Variants in LRRN2 observed in about 807,000 individuals in gnomAD.
LRRN2 encodes the protein leucine-rich repeat neuronal protein 2.
Under a neutral mutation model 35.7 loss-of-function variants are expected in LRRN2, and 10 were observed. The observed-to-expected ratio is 0.28, with a 90% confidence interval of 0.17 to 0.47. The LOEUF is 0.47. LRRN2 is among the 20% of genes least tolerant of loss of function. The pLI, the probability that LRRN2 is intolerant of heterozygous loss-of-function variation, is 0.99. For missense variants in LRRN2, 731 were observed against 940.3 expected (o/e 0.78, Z 2.91); for synonymous variants, 391 against 409.6 (o/e 0.95, Z 0.55).
intron 1 of LRRN2, among the ~76,000 whole-genome samples, chr1:204,632,831 G>T (rs540225212): frequency 6.6e-6 from 1 of 151,786 alleles, no homozygotes; most frequent in African/African-American, 2.4e-5. Flanking sequence ...CTACATGGGA[G>T]GCTGAGGCAG....
In LRRN2 at chr1:204,685,339, G is replaced by T. The variant is rs1266978255; in HGVS notation, c.-246C>A. 6.6e-6 allele frequency: 1 copy of T among 151,654 alleles called. No individual in the cohort carries two copies. Among genetic ancestry groups the T allele is most frequent in the Non-Finnish European group, 1.5e-5 (1 of 67,908 alleles). 9.4% of individuals were successfully genotyped at this position (151,654 alleles called of 1,614,324 possible). A position where few individuals can be genotyped will look rare whatever the true frequency, so the allele number is the denominator to read the frequency against. On this transcript the variant is annotated 5_prime_UTR_variant, in exon 1 of 2. Transcript: ENST00000367177. The stretch of plus-strand genomic sequence containing the variant: ...ACTCACCCCGTGGGCGCCGGGCACC[G>T]TCTGCCGTCTGCTGCCCGCGCGGCC...
At chr1:204,674,818 G>A (rs1321921466) in intron 1 of LRRN2, among the ~76,000 whole-genome samples, 1 of 152,220 alleles carries the variant, frequency 6.6e-6, no homozygotes, top group Non-Finnish European at 1.5e-5. Flanking sequence ...AGAAAGCTGA[G>A]GCCCAGGAAG....
At chr1:204,667,318 G>T (rs1482660014) in intron 1 of LRRN2, among the ~76,000 whole-genome samples, 1 of 152,144 alleles carries the variant, frequency 6.6e-6, no homozygotes, top group African/African-American at 2.4e-5. Flanking sequence ...TGGATGAAGG[G>T]TACTGTGGAC....
chr1:204,655,801 G>A (rs16854091), intron 1 of LRRN2, among the ~76,000 whole-genome samples: 15,507 of 152,268 alleles, frequency 0.1, 1,322 homozygotes, highest in African/African-American at 0.23. Context: ...CCTGGGGGCT[G>A]CCGACAGGAC....
intron 1 of LRRN2, among the ~76,000 whole-genome samples, chr1:204,654,926 C>G (rs1011099663): frequency 6.6e-6 from 1 of 152,248 alleles, no homozygotes; most frequent in African/African-American, 2.4e-5. Flanking sequence ...CACAACACCC[C>G]TGCCATGAAC....
Position 204,619,157 on chromosome 1 carries a change from C to T in LRRN2, c.836G>A (p.Gly279Glu), listed in dbSNP as rs1396704602. ...AAGGTGCAGCATGTTGGCAAAGTCCCCCGGCCCTACCCGCTGGAGCGGGTT... is the reference window on the plus strand; with the variant it reads ...AAGGTGCAGCATGTTGGCAAAGTCCTCCGGCCCTACCCGCTGGAGCGGGTT... Reference protein sequence around the residue: ...NKNPLQRVGPGDFANMLHLKE... With the variant: ...NKNPLQRVGPEDFANMLHLKE... Residue 279 changes from glycine to glutamate, a missense_variant, in exon 2 of 2, where the codon GGG (glycine) becomes GAG (glutamate). Gly to Glu is a moderately conservative substitution (Grantham distance 98, BLOSUM62 -2). This residue lies in a region of LRRN2 where 256 missense variants were observed against 392.4 expected (regional missense o/e 0.65). Transcript: ENST00000367177. 9.3e-6 allele frequency: 15 copies of T among 1,613,932 alleles called. No homozygotes were observed. The highest frequency in any genetic ancestry group is 2.2e-5 in the South Asian group (2 of 91,078).
intron 1 of LRRN2, among the ~76,000 whole-genome samples, chr1:204,681,432 C>T (rs538152948): frequency 3.3e-5 from 5 of 152,148 alleles, no homozygotes; most frequent in Non-Finnish European, 7.3e-5. Flanking sequence ...GTCCTCATGA[C>T]AGCTTTATGA....
chr1:204,640,578 C>G (rs935391540), intron 1 of LRRN2, among the ~76,000 whole-genome samples: 1 of 152,168 alleles, frequency 6.6e-6, no homozygotes, highest in Non-Finnish European at 1.5e-5. Flanking sequence ...TGGCTCCTCT[C>G]TCCCTTCCCC....
At chr1:204,622,828 C>T (rs1048857855) in intron 1 of LRRN2, among the ~76,000 whole-genome samples, 3 of 152,122 alleles carry the variant, frequency 2.0e-5, no homozygotes, top group African/African-American at 7.2e-5. Context: ...GCGGCCCTAC[C>T]ACTCACTACC....
intron 1 of LRRN2, among the ~76,000 whole-genome samples, chr1:204,675,200 CCCTCCGGGG>C: frequency 6.6e-6 from 1 of 152,284 alleles, no homozygotes; most frequent in Non-Finnish European, 1.5e-5. Context: ...CTGAAGCAAT[CCCTCCGGGG>C]TGGCTGGGAG....
At chr1:204,626,936 CTTTTTCT>C (rs1667424068) in intron 1 of LRRN2, 1 of 148,624 alleles carries the variant, frequency 6.7e-6, no homozygotes, top group East Asian at 2.1e-4. Context: ...TGATACAAGG[CTTTTTCT>C]TTTTTCTTTT....
intron 1 of LRRN2, chr1:204,682,825 G>T (rs1007087697): frequency 1.3e-4 from 20 of 152,202 alleles, no homozygotes; most frequent in Admixed American, 1.3e-3. Flanking sequence ...GCATGTTAGA[G>T]GTCACTCAGT....
intron 1 of LRRN2, among the ~76,000 whole-genome samples, chr1:204,624,903 ACTCCGGCCTCCT>A (rs1263193221): frequency 1.3e-5 from 2 of 151,896 alleles, no homozygotes; most frequent in Non-Finnish European, 2.9e-5. Flanking sequence ...GCGTTGATAA[ACTCCGGCCTCCT>A]CACCAGCAGA....
chr1:204,643,728 A>G (rs767265859), intron 1 of LRRN2, among the ~76,000 whole-genome samples: 4 of 151,870 alleles, frequency 2.6e-5, no homozygotes, highest in Non-Finnish European at 4.4e-5. Flanking sequence ...ACAGCCTTCT[A>G]ATGATGAAGG....
chr1:204,679,878 G>A (rs772355284), intron 1 of LRRN2, among the ~76,000 whole-genome samples: 2 of 152,114 alleles, frequency 1.3e-5, no homozygotes, highest in Non-Finnish European at 2.9e-5. Flanking sequence ...AGGAGCAGGA[G>A]GAAAAAAAAG....
intron 1 of LRRN2, among the ~76,000 whole-genome samples, chr1:204,674,127 G>C (rs769664907): frequency 3.9e-5 from 6 of 152,150 alleles, no homozygotes; most frequent in Non-Finnish European, 8.8e-5. Context: ...CCTCTCAGGG[G>C]CCTGCAGAGA....
intron 1 of LRRN2, among the ~76,000 whole-genome samples, chr1:204,656,652 T>C (rs1198901618): frequency 6.6e-6 from 1 of 152,228 alleles, no homozygotes; most frequent in East Asian, 1.9e-4. Context: ...TGACTGGAAA[T>C]ATAATTTCAG....
At chr1:204,631,600 G>A (rs1365192533) in intron 1 of LRRN2, among the ~76,000 whole-genome samples, 1 of 151,730 alleles carries the variant, frequency 6.6e-6, no homozygotes, top group Non-Finnish European at 1.5e-5. Context: ...CATGTAGGAA[G>A]TTAGACAAAC....
At chr1:204,636,660 G>A (rs1667842336) in intron 1 of LRRN2, among the ~76,000 whole-genome samples, 1 of 152,152 alleles carries the variant, frequency 6.6e-6, no homozygotes, top group African/African-American at 2.4e-5. Flanking sequence ...AGCTACTCAG[G>A]AGGCTGAGAC....
Sources: allele counts gnomAD v4.1 joint callset (sites outside exome capture counted in the v4.1 genomes callset), GRCh38; gene constraint gnomAD v4.1.1; regional missense constraint gnomAD v4.1.1; transcripts MANE v1.5; gene names NCBI Gene and HGNC (gene_info 2026-07-23, HGNC 2026-07-21).